Variants in PRTG observed in about 807,000 individuals in gnomAD.
PRTG encodes immunoglobulin superfamily, DCC subclass, member 5.
In PRTG, 67 loss-of-function variants were observed where a neutral mutation model predicts 122.5. The ratio of observed to expected loss-of-function variants is 0.55; its 90% CI spans 0.45 to 0.67. The LOEUF (loss-of-function observed/expected upper bound fraction) is 0.67, where lower values mean the gene tolerates loss of function less well. PRTG is among the 30% of genes least tolerant of loss of function. PRTG has a pLI of 0.00. For missense variants in PRTG, 1,435 were observed against 1,415.4 expected (o/e 1.01, Z -0.22); for synonymous variants, 554 against 501.1 (o/e 1.11, Z -1.41).
At chr15:55,724,226 C>G (rs1352427064) in intron 2 of PRTG, among the ~76,000 whole-genome samples, 7 of 152,226 alleles carry the variant, frequency 4.6e-5, no homozygotes, top group East Asian at 3.9e-4. Flanking sequence ...TGTTATTTCA[C>G]TATTGATCTT....
chr15:55,691,049 C>A (rs988306670), intron 2 of PRTG, among the ~76,000 whole-genome samples: 2 of 151,846 alleles, frequency 1.3e-5, no homozygotes, highest in African/African-American at 4.8e-5. Context: ...GGCTCACACC[C>A]GTAATCCCTG....
At chr15:55,711,079 G>GT (rs1227151300) in intron 2 of PRTG, among the ~76,000 whole-genome samples, 17 of 121,538 alleles carry the variant, frequency 1.4e-4, no homozygotes, top group Admixed American at 3.2e-4. Flanking sequence ...GCTAATTTTT[G>GT]TATTTTTTTT....
chr15:55,698,253 T>C (rs986624365), intron 2 of PRTG, among the ~76,000 whole-genome samples: 2 of 152,210 alleles, frequency 1.3e-5, no homozygotes, highest in Non-Finnish European at 2.9e-5. Context: ...TAATATCCAA[T>C]CAGGGTCTCT....
chr15:55,732,937 C>T (rs373707727), intron 2 of PRTG, among the ~76,000 whole-genome samples: 4 of 152,186 alleles, frequency 2.6e-5, no homozygotes, highest in East Asian at 3.9e-4. Context: ...GGTGGCTGGA[C>T]GCAGTGGCTC....
chr15:55,646,259 G>GC (rs1173413107), intron 11 of PRTG, among the ~76,000 whole-genome samples: 2 of 143,938 alleles, frequency 1.4e-5, no homozygotes, highest in African/African-American at 5.2e-5. Flanking sequence ...TGATTCACCC[G>GC]CCTTGGCCTC....
intron 2 of PRTG, among the ~76,000 whole-genome samples, chr15:55,732,657 G>C (rs1567119315): frequency 6.6e-6 from 1 of 151,792 alleles, no homozygotes. Context: ...ACCACACCCG[G>C]CTAGTTTTGT....
intron 2 of PRTG, among the ~76,000 whole-genome samples, chr15:55,723,741 T>C (rs1336128623): frequency 5.6e-5 from 6 of 107,336 alleles, no homozygotes; most frequent in African/African-American, 1.9e-4. Flanking sequence ...AGCCATATTC[T>C]TTTCTTTTTT....
intron 2 of PRTG, among the ~76,000 whole-genome samples, chr15:55,719,602 C>A (rs1221206649): frequency 6.6e-6 from 1 of 151,974 alleles, no homozygotes; most frequent in Non-Finnish European, 1.5e-5. Context: ...CTGACAATAA[C>A]CAGGACATTG....
At chr15:55,654,842 C>G (rs1421254548) in intron 11 of PRTG, among the ~76,000 whole-genome samples, 1 of 152,180 alleles carries the variant, frequency 6.6e-6, no homozygotes, top group Non-Finnish European at 1.5e-5. Flanking sequence ...CATTTTGACC[C>G]TTATGTGAAG....
rs372306125 is a variant in PRTG, at chr15:55,673,401, G to A, written c.1822C>T (p.His608Tyr). ...GLGESSVWTSHRTPKATSVKA... is the reference protein window; with the variant it reads ...GLGESSVWTSYRTPKATSVKA... ...ACGCTTGTAGCTTTGGGCGTCCTAT[G>A]TGAAGTCCATACTGATGACTCTCCC... The change falls in exon 10 of 20, where the codon CAT becomes TAT. Residue 608 changes from histidine to tyrosine, a missense_variant. Coordinates refer to ENST00000389286, the MANE Select transcript of PRTG (RefSeq NM_173814.6). 4 of 1,613,870 alleles carry A rather than the reference G, an allele frequency of 2.5e-6. No homozygotes were observed. Among genetic ancestry groups the A allele is most frequent in the African/African-American group, 1.3e-5 (1 of 74,918 alleles).
intron 18 of PRTG, among the ~76,000 whole-genome samples, chr15:55,624,109 G>A (rs1191750217): frequency 3.3e-5 from 5 of 151,978 alleles, no homozygotes; most frequent in African/African-American, 1.2e-4. Flanking sequence ...TAATATAAAT[G>A]AGATTATATT....
intron 11 of PRTG, among the ~76,000 whole-genome samples, chr15:55,648,215 A>G (rs868512682): frequency 2.6e-5 from 4 of 152,222 alleles, no homozygotes; most frequent in African/African-American, 9.6e-5. Context: ...CAGCAAGCAC[A>G]TGGACCCAAA....
At chr15:55,632,755 G>C (rs74331086) in intron 15 of PRTG, among the ~76,000 whole-genome samples, 1,729 of 152,160 alleles carry the variant, frequency 0.011, 33 homozygotes, top group African/African-American at 0.04. Context: ...TATTGTAACT[G>C]TCTTTATAGC....
chr15:55,719,394 T>G (rs1283055888), intron 2 of PRTG, among the ~76,000 whole-genome samples: 1 of 152,206 alleles, frequency 6.6e-6, no homozygotes, highest in Admixed American at 6.5e-5. Flanking sequence ...TAGAAGAGTA[T>G]ATTTTGAGGG....
chr15:55,669,822 G>C (rs967587415), intron 11 of PRTG, among the ~76,000 whole-genome samples: 6 of 152,172 alleles, frequency 3.9e-5, no homozygotes. Flanking sequence ...CTGTTATCCT[G>C]AACTGCAATC....
intron 3 of PRTG, among the ~76,000 whole-genome samples, chr15:55,682,874 T>C (rs2059548754): frequency 1.3e-5 from 2 of 152,282 alleles, no homozygotes; most frequent in South Asian, 4.1e-4. Context: ...AGACTACATA[T>C]TTTATTTAAC....
At chr15:55,680,369 A>G (rs2059530763) in intron 5 of PRTG, 122 bp downstream of exon 5, 1 of 1,229,144 alleles carries the variant, frequency 8.1e-7, no homozygotes, top group African/African-American at 1.5e-5. Flanking sequence ...AATGCCAAAA[A>G]AATTAAGACA....
intron 2 of PRTG, among the ~76,000 whole-genome samples, chr15:55,727,576 G>T (rs1251413032): frequency 6.6e-6 from 1 of 152,232 alleles, no homozygotes; most frequent in African/African-American, 2.4e-5. Flanking sequence ...TGGGAGGACT[G>T]CCTGAGGTGA....
intron 2 of PRTG, among the ~76,000 whole-genome samples, chr15:55,734,381 GA>G (rs1230592746): frequency 1.3e-4 from 20 of 151,376 alleles, no homozygotes; most frequent in African/African-American, 4.4e-4. Context: ...AACATTAAGG[GA>G]AAAAAAAGCT....
Sources: gnomAD v4.1 joint callset for allele counts (sites outside exome capture counted in the v4.1 genomes callset) on GRCh38, gnomAD v4.1.1 for gene constraint, MANE v1.5 for transcripts, NCBI Gene and HGNC (gene_info 2026-07-23, HGNC 2026-07-21) for gene names.